The following DGCR8 variants were observed in gnomAD, a reference collection of about 807,000 sequenced individuals.
DGCR8 encodes the protein microprocessor complex subunit DGCR8.
A neutral mutation model predicts 78.5 loss-of-function variants in DGCR8; 14 were observed. The observed-to-expected ratio is 0.18, with a 90% CI of 0.12 to 0.28. DGCR8 has a LOEUF of 0.28. DGCR8 is among the 10% of genes least tolerant of loss of function. The pLI, the probability that DGCR8 is intolerant of heterozygous loss-of-function variation, is 1.00. For missense variants in DGCR8, 702 were observed against 1,022.5 expected, an observed-to-expected ratio of 0.69 and a Z score of 4.28; for synonymous variants, 399 against 402.4, an observed-to-expected ratio of 0.99 and a Z score of 0.10.
chr22:20,084,334 A>G lies in DGCR8; in HGVS notation c.-277-1353A>G, dbSNP rs532327839. Among the ~76,000 whole-genome samples the G allele has an allele frequency of 1.9e-4, 29 of 152,286 alleles. No homozygotes were observed. The South Asian group carries it at 3.9e-3, about 21-fold the overall frequency. On this transcript the variant is annotated intron_variant, in intron 1 of 13. Coordinates refer to ENST00000351989, the MANE Select transcript of DGCR8 (RefSeq NM_022720.7). ...TCTTTACTGGTATGCACGCATGTGC[A>G]TGCATGCGTGTTCCTGTGCACGTTG...
Position 20,085,917 on chromosome 22 carries a change from G to C in DGCR8, c.-47G>C. 6.6e-7 allele frequency: 1 copy of C among 1,509,770 alleles called. No homozygotes were observed. Among genetic ancestry groups the C allele is most frequent in the Non-Finnish European group, 8.8e-7 (1 of 1,135,630 alleles). The allele number at this position is 1,509,770 out of a possible 1,614,324, so 93.5% of individuals were successfully genotyped here. ...TGTTAGCTGTGTAGATTTATGTGAG[G>C]GCTTGTAAAACTCTGGTCTTGTAAA... On this transcript the variant is annotated 5_prime_UTR_variant, in exon 2 of 14. Transcript: ENST00000351989. This position sits in a 1 kb window ranked among gnomAD's most constrained non-coding sequence, Gnocchi z 6.2.
Position 20,087,956 on chromosome 22 carries a change from T to C in DGCR8, c.880+635T>C, listed in dbSNP as rs2049507356. Among the ~76,000 whole-genome samples, 1 of 151,564 alleles carries C rather than the reference T, an allele frequency of 6.6e-6. No individual in the cohort carries two copies. The highest frequency in any genetic ancestry group is 1.5e-5 in the Non-Finnish European group (1 of 67,876). ...GGTGCAGGTGTTGGGGGAGTCGGAG[T>C]TGGTGGCTTGGAGGCACCTATGAGG... On this transcript the variant is annotated intron_variant, in intron 3 of 13. Transcript: ENST00000351989. The surrounding 1 kb of genome is among the most constrained non-coding windows in gnomAD (Gnocchi z 4.1).
At chr22:20,099,638 C>G (rs2049671332) in intron 9 of DGCR8, among the ~76,000 whole-genome samples, 1 of 152,196 alleles carries the variant, frequency 6.6e-6, no homozygotes, top group Non-Finnish European at 1.5e-5. Context: ...GAAAGCCTTT[C>G]TTTAGTTTCC....
intron 1 of DGCR8, 169 bp downstream of exon 1, chr22:20,080,552 G>T (rs1479239589): frequency 2.1e-6 from 2 of 931,728 alleles, no homozygotes; most frequent in Non-Finnish European, 2.6e-6. Context: ...TGGAGAGCGC[G>T]GGGTGGGGAC....
At chr22:20,092,777 T>A (rs924035432) in intron 7 of DGCR8, 32 bp from the exon 8 acceptor site, 11 of 1,584,098 alleles carry the variant, frequency 6.9e-6, no homozygotes, top group Non-Finnish European at 9.5e-6. Flanking sequence ...TCTTGACTCG[T>A]ATGTTTTAAA....
At chr22:20,106,438 T>C in intron 10 of DGCR8, 154 bp from the exon 11 acceptor site, 1 of 810,312 alleles carries the variant, frequency 1.2e-6, no homozygotes, top group Non-Finnish European at 2.0e-6. Context: ...CCCACAGGCC[T>C]GAATCGGGCG....
At position 20,110,192 on chromosome 22, in the gene DGCR8, C is replaced by A; in HGVS notation, c.*84C>A. 2 of 1,423,524 alleles carry A rather than the reference C, an allele frequency of 1.4e-6. No individual in the cohort carries two copies. Among genetic ancestry groups the A allele is most frequent in the Non-Finnish European group, 1.9e-6 (2 of 1,029,120 alleles). The allele number at this position is 1,423,524 out of a possible 1,614,324, so 88.2% of individuals were successfully genotyped here. Reference sequence around the variant, plus strand: ...AGTCATGCATCGTGCACCACAGTGTCAGGCCTCCAACCCACGCTCCTTCCC... The same window carrying A: ...AGTCATGCATCGTGCACCACAGTGTAAGGCCTCCAACCCACGCTCCTTCCC... On this transcript the variant is annotated 3_prime_UTR_variant, in exon 14 of 14. Transcript: ENST00000351989.
rs192257462 is a variant in DGCR8, at chr22:20,081,954, C to T, written c.-278+1571C>T. On this transcript the variant is annotated intron_variant, in intron 1 of 13. Coordinates refer to ENST00000351989, the MANE Select transcript of DGCR8 (RefSeq NM_022720.7). ...AAGTTAACATCCTGGCCCAGCCTAC[C>T]TGGTGAGCCTCTAATTCTCTTTACT... Among the ~76,000 whole-genome samples, 459 of 152,324 alleles carry T rather than the reference C, an allele frequency of 3.0e-3. 3 individuals carry two copies. Among genetic ancestry groups the T allele is most frequent in the Non-Finnish European group, 4.2e-3 (286 of 68,034 alleles).
chr22:20,094,647 C>G (rs966527535), intron 8 of DGCR8, 66 bp from the exon 9 acceptor site: 23 of 1,421,040 alleles, frequency 1.6e-5, no homozygotes, highest in East Asian at 4.6e-5. Context: ...GTGCACAGTT[C>G]ACTCTGCAGG....
rs2049802681 is a variant in DGCR8 at position 20,108,910 on chromosome 22, G to C, written c.2145G>C (p.Val715=). ...CCCAGGAGACATCGGACAAGAGTGT[G>C]ATTGAGCTGCAGCAGTATGCCAAGA... The part of the protein sequence containing the change: ...MVKQETSDKS[V]IELQQYAKKN... The change falls in exon 13 of 14, where the codon GTG becomes GTC. Residue 715 remains valine (V), a synonymous_variant. Coordinates refer to ENST00000351989, the MANE Select transcript of DGCR8 (RefSeq NM_022720.7). 6.3e-7 allele frequency: 1 copy of C among 1,597,452 alleles called. No individual in the cohort carries two copies.
chr22:20,083,758 C>T (rs1043280324), intron 1 of DGCR8, among the ~76,000 whole-genome samples: 1 of 152,142 alleles, frequency 6.6e-6, no homozygotes, highest in African/African-American at 2.4e-5. Flanking sequence ...TCCTTGTAAT[C>T]TGTGGCACTG....
chr22:20,091,518 C>T lies in DGCR8; in HGVS notation c.1390C>T (p.Arg464Trp). The change falls in exon 6 of 14, where the codon CGG becomes TGG. Residue 464 changes from arginine to tryptophan, a missense_variant. Physicochemically the swap from Arg to Trp is moderately radical, Grantham distance 101. Around this residue, in one of 4 missense-constraint regions of DGCR8, gnomAD observed 225 missense variants for 427.7 expected, o/e 0.53. Transcript: ENST00000351989. ...GAAAAAATTCAGGACTTGGGCTGAG[C>T]GGCGGCAATTCAATCGGGAAATGAA... is the stretch of plus-strand genomic sequence containing the variant. ...TVKKFRTWAE[R>W]RQFNREMKRK... is the part of the protein sequence containing the mutation. 6.2e-7 allele frequency: 1 copy of T among 1,614,206 alleles called. No homozygotes were observed. The highest frequency in any genetic ancestry group is 8.5e-7 in the Non-Finnish European group (1 of 1,180,040).
chr22:20,109,040 G>T, intron 13 of DGCR8, 37 bp downstream of exon 13: 3 of 1,121,406 alleles, frequency 2.7e-6, no homozygotes, highest in Non-Finnish European at 1.4e-6. Flanking sequence ...GCCGGGCCAC[G>T]GCCATTCCTG....
rs1177713607 is a variant in DGCR8, at chr22:20,087,465, G to C, written c.880+144G>C. On this transcript the variant is annotated intron_variant, in intron 3 of 13. Coordinates refer to ENST00000351989, the MANE Select transcript of DGCR8 (RefSeq NM_022720.7). The surrounding 1 kb of genome is among the most constrained non-coding windows in gnomAD (Gnocchi z 4.1). Reference sequence around the variant, plus strand: ...TTGAGGACAGGACAGAAATATCTGAGGAGGGAAACACAGGATGGGAGGACG... The same window carrying C: ...TTGAGGACAGGACAGAAATATCTGACGAGGGAAACACAGGATGGGAGGACG... 3 of 970,640 alleles carry C rather than the reference G, an allele frequency of 3.1e-6. No individual in the cohort carries two copies. The highest frequency in any genetic ancestry group is 1.5e-6 in the Non-Finnish European group (1 of 673,286). 60.1% of individuals were successfully genotyped at this position (970,640 alleles called of 1,614,324 possible). A position where few individuals can be genotyped will look rare whatever the true frequency, so the allele number is the denominator to read the frequency against.
At chr22:20,106,396 C>T in intron 10 of DGCR8, 119 bp downstream of exon 10, 1 of 938,160 alleles carries the variant, frequency 1.1e-6, no homozygotes, top group Non-Finnish European at 1.7e-6. Context: ...CCTGGGTACA[C>T]AGCAGCCCCT....
At chr22:20,101,874 TG>T (rs986724958) in intron 9 of DGCR8, 30 of 984,598 alleles carry the variant, frequency 3.0e-5, no homozygotes, top group Non-Finnish European at 3.3e-5. Context: ...ACTCCGGAGG[TG>T]GGGTTGACAT....
At chr22:20,095,672 TGG>T (rs1320489992) in intron 9 of DGCR8, among the ~76,000 whole-genome samples, 2 of 152,138 alleles carry the variant, frequency 1.3e-5, no homozygotes, top group Admixed American at 1.3e-4. Context: ...CAGACGGTGT[TGG>T]GGGGCGGGGA....
chr22:20,089,525 C>A lies in DGCR8; in HGVS notation c.881-144C>A. 1 of 903,094 alleles carries A rather than the reference C, an allele frequency of 1.1e-6. No individual in the cohort carries two copies. Among genetic ancestry groups the A allele is most frequent in the Non-Finnish European group, 1.7e-6 (1 of 588,406 alleles). 55.9% of individuals were successfully genotyped at this position (903,094 alleles called of 1,614,324 possible). A position where few individuals can be genotyped will look rare whatever the true frequency, so the allele number is the denominator to read the frequency against. ...CTAGGCCTGGAGGCATAGCAGTGAG[C>A]AAGGCAGAGAGGAATTTCGATTATC... On this transcript the variant is annotated intron_variant, in intron 3 of 13. Coordinates refer to ENST00000351989, the MANE Select transcript of DGCR8 (RefSeq NM_022720.7). The surrounding 1 kb of genome is among the most constrained non-coding windows in gnomAD (Gnocchi z 4.9).
Position 20,085,916 on chromosome 22 carries a change from G to A in DGCR8, c.-48G>A. 1 of 1,508,752 alleles carries A rather than the reference G, an allele frequency of 6.6e-7. No individual in the cohort carries two copies. Among genetic ancestry groups the A allele is most frequent in the Non-Finnish European group, 8.8e-7 (1 of 1,135,292 alleles). 93.5% of individuals were successfully genotyped at this position (1,508,752 alleles called of 1,614,324 possible). ...ATGTTAGCTGTGTAGATTTATGTGA[G>A]GGCTTGTAAAACTCTGGTCTTGTAA... On this transcript the variant is annotated 5_prime_UTR_variant, in exon 2 of 14. Coordinates refer to ENST00000351989, the MANE Select transcript of DGCR8 (RefSeq NM_022720.7). This position sits in a 1 kb window ranked among gnomAD's most constrained non-coding sequence, Gnocchi z 6.2.
Sources: gnomAD v4.1 joint callset for allele counts (sites outside exome capture counted in the v4.1 genomes callset) on GRCh38, gnomAD v4.1.1 for gene constraint, gnomAD v4.1.1 regional missense constraint, Gnocchi (gnomAD v3.1) non-coding constraint, MANE v1.5 for transcripts, NCBI Gene and HGNC (gene_info 2026-07-23, HGNC 2026-07-21) for gene names.